Variants in C6orf89 observed in about 807,000 individuals in gnomAD.
C6orf89 encodes bombesin receptor-activated protein C6orf89.
Under a neutral mutation model 40.7 loss-of-function variants are expected in C6orf89, and 29 were observed. The observed-to-expected ratio is 0.71, with a 90% CI of 0.53 to 0.97. The LOEUF (loss-of-function observed/expected upper bound fraction) is 0.97, where lower values mean the gene tolerates loss of function less well. Ranked by LOEUF, C6orf89 falls within the 50% of genes least tolerant of loss-of-function variation. The probability of loss-of-function intolerance (pLI) is 0.00; values close to 1 mark genes in which losing one functional copy is unlikely to be tolerated. For missense variants in C6orf89, 392 were observed against 429.1 expected (o/e 0.91, Z 0.76); for synonymous variants, 165 against 152.2 (o/e 1.08, Z -0.62).
In C6orf89 at chr6:36,927,967, G is replaced by A. The variant is rs149799418; in HGVS notation, c.*4526G>A. The A allele has an allele frequency of 2.6e-5, 4 of 152,230 alleles. No homozygotes were observed. The highest frequency in any genetic ancestry group is 5.9e-5 in the Non-Finnish European group (4 of 68,054). The allele number at this position is 152,230 out of a possible 1,614,324, so 9.4% of individuals were successfully genotyped here. A position where few individuals can be genotyped will look rare whatever the true frequency, so the allele number is the denominator to read the frequency against. ...GTGGACGCAGTGTGACTAAATGCTG[G>A]CCTTGAAGAGAAACCCTCAGCCAGC... On this transcript the variant is annotated 3_prime_UTR_variant, in exon 9 of 9. Transcript: ENST00000480824.
intron 8 of C6orf89, among the ~76,000 whole-genome samples, chr6:36,920,421 G>C (rs1253236208): frequency 6.6e-6 from 1 of 152,148 alleles, no homozygotes; most frequent in African/African-American, 2.4e-5. Context: ...TGTCACCATT[G>C]ACCTCCTTGC....
At chr6:36,915,752 G>A (rs1762292820) in intron 6 of C6orf89, among the ~76,000 whole-genome samples, 2 of 151,714 alleles carry the variant, frequency 1.3e-5, no homozygotes, top group Non-Finnish European at 2.9e-5. Flanking sequence ...AAGAAAAATG[G>A]GAAACAGAGA....
At chr6:36,901,350 T>C (rs1389126500) in intron 3 of C6orf89, among the ~76,000 whole-genome samples, 1 of 128,248 alleles carries the variant, frequency 7.8e-6, no homozygotes, top group Non-Finnish European at 1.6e-5. Flanking sequence ...TTTTTTTTTT[T>C]TTGAGATGCA....
At chr6:36,912,833 T>C (rs1388143192) in intron 4 of C6orf89, among the ~76,000 whole-genome samples, 1 of 152,236 alleles carries the variant, frequency 6.6e-6, no homozygotes, top group African/African-American at 2.4e-5. Flanking sequence ...TATGCCCCAC[T>C]ACTACTGCCT....
chr6:36,898,223 C>T (rs1247747314), intron 2 of C6orf89, among the ~76,000 whole-genome samples: 1 of 152,036 alleles, frequency 6.6e-6, no homozygotes, highest in South Asian at 2.1e-4. Context: ...GCTGGGACTA[C>T]AGGTGTGTGC....
Position 36,923,894 on chromosome 6 carries a change from T to G in C6orf89, c.*453T>G. On this transcript the variant is annotated 3_prime_UTR_variant, in exon 9 of 9. Coordinates refer to ENST00000480824, the MANE Select transcript of C6orf89 (RefSeq NM_001286635.2). ...GTCTTGCCTGCCACATCACTCTACT[T>G]TTTGGAAGGCCATGGCTGATTAAAG... 3.9e-6 allele frequency: 1 copy of G among 253,336 alleles called. No individual in the cohort carries two copies. The highest frequency in any genetic ancestry group is 7.9e-6 in the Non-Finnish European group (1 of 127,028). 15.7% of individuals were successfully genotyped at this position (253,336 alleles called of 1,614,324 possible). A position where few individuals can be genotyped will look rare whatever the true frequency, so the allele number is the denominator to read the frequency against.
upstream of C6orf89, chr6:36,883,171 A>G (rs1421918879): frequency 6.6e-6 from 1 of 152,256 alleles, no homozygotes; most frequent in Admixed American, 6.5e-5. Flanking sequence ...ACTGAGGACA[A>G]TCCCTTCACA....
chr6:36,886,505 A>G (rs1211079085), intron 1 of C6orf89, among the ~76,000 whole-genome samples: 1 of 152,220 alleles, frequency 6.6e-6, no homozygotes, highest in East Asian at 1.9e-4. Flanking sequence ...TTTCAGAAAG[A>G]AATATGACTT....
At position 36,910,530 on chromosome 6, in the gene C6orf89, C is replaced by T. The variant is rs185269222; in HGVS notation, c.404-3754C>T. Among the ~76,000 whole-genome samples, 9 of 152,176 alleles carry T rather than the reference C, an allele frequency of 5.9e-5. No homozygotes were observed. The East Asian group carries it at 1.4e-3, about 23-fold the overall frequency. On this transcript the variant is annotated intron_variant, in intron 4 of 8. Transcript: ENST00000480824. ...ATTGCTTGAGCTCTGGAGTTCAAGA[C>T]CAGCCTGAGCAACATGATGAAACCC...
chr6:36,876,108 C>A (rs569871347), intron 1 of C6orf89, among the ~76,000 whole-genome samples: 1 of 152,328 alleles, frequency 6.6e-6, no homozygotes, highest in South Asian at 2.1e-4. Flanking sequence ...GGCCCTTGAG[C>A]TGGATGAAAA....
At chr6:36,918,112 G>A (rs931478654) in intron 7 of C6orf89, among the ~76,000 whole-genome samples, 6 of 152,164 alleles carry the variant, frequency 3.9e-5, no homozygotes, top group East Asian at 1.9e-4. Flanking sequence ...TTAAAGTCAC[G>A]TGTCTGTGGG....
At position 36,891,996 on chromosome 6, in the gene C6orf89, C is replaced by G. The variant is rs149276101; in HGVS notation, c.-119-2508C>G. Among the ~76,000 whole-genome samples, 103 of 152,310 alleles carry G rather than the reference C, an allele frequency of 6.8e-4. 3 individuals carry two copies. The East Asian group carries it at 0.018, about 26-fold the overall frequency. On this transcript the variant is annotated intron_variant, in intron 1 of 8. Coordinates refer to ENST00000480824, the MANE Select transcript of C6orf89 (RefSeq NM_001286635.2). ...TTAAACAGGGCAAAAGAGAAGTTTACATTTCTCTTAACTTCTTTTCTGCTT... is the reference window on the plus strand; with the variant it reads ...TTAAACAGGGCAAAAGAGAAGTTTAGATTTCTCTTAACTTCTTTTCTGCTT...
At chr6:36,879,402 A>C (rs1583132913) in intron 2 of C6orf89, among the ~76,000 whole-genome samples, 1 of 152,226 alleles carries the variant, frequency 6.6e-6, no homozygotes, top group African/African-American at 2.4e-5. Flanking sequence ...CTTGGCCCCC[A>C]GTGTGATGGT....
At chr6:36,878,094 G>A (rs1774707763) in intron 1 of C6orf89, among the ~76,000 whole-genome samples, 1 of 152,116 alleles carries the variant, frequency 6.6e-6, no homozygotes, top group African/African-American at 2.4e-5. Context: ...ACTTATCTTG[G>A]TGTATGGTAT....
chr6:36,885,804 T>G (rs1774952932), upstream of C6orf89: 1 of 393,940 alleles, frequency 2.5e-6, no homozygotes, highest in East Asian at 3.6e-5. Context: ...GAACCTACAC[T>G]CTCCAGATAT....
At chr6:36,876,724 C>CAAAAAAAAAAA (rs71540176) in intron 1 of C6orf89, among the ~76,000 whole-genome samples, 2 of 92,210 alleles carry the variant, frequency 2.2e-5, no homozygotes, top group African/African-American at 8.4e-5. Context: ...AACTCCATCT[C>CAAAAAAAAAAA]AAAAAAAAAA....
At chr6:36,881,314 G>A (rs1269337933), upstream of C6orf89, among the ~76,000 whole-genome samples, 2 of 152,304 alleles carry the variant, frequency 1.3e-5, no homozygotes, top group African/African-American at 2.4e-5. Flanking sequence ...AGGTTAGAGG[G>A]TTAAAGGATT....
intron 3 of C6orf89, among the ~76,000 whole-genome samples, chr6:36,901,321 ATTTTTTTTTTTTT>A (rs60381134): frequency 5.3e-4 from 10 of 19,024 alleles, no homozygotes; most frequent in Admixed American, 2.5e-3. Flanking sequence ...TATTATTATT[ATTTTTTTTTTTTT>A]TTTTTTTTTT....
In C6orf89 at chr6:36,923,590, G is replaced by A. The variant is rs985444391; in HGVS notation, c.*149G>A. On this transcript the variant is annotated 3_prime_UTR_variant, in exon 9 of 9. Transcript: ENST00000480824. Reference sequence around the variant, plus strand: ...TGCATGTGTGAACCAGCTGTGAGCTGCAAGGCAGTGGCCAGAGCCTCGCCC... The same window carrying A: ...TGCATGTGTGAACCAGCTGTGAGCTACAAGGCAGTGGCCAGAGCCTCGCCC... 1.4e-5 allele frequency: 10 copies of A among 703,712 alleles called. No individual in the cohort carries two copies. In the Middle Eastern group the frequency reaches 1.4e-3, roughly 99 times the overall value. The allele number at this position is 703,712 out of a possible 1,614,324, so 43.6% of individuals were successfully genotyped here. A position where few individuals can be genotyped will look rare whatever the true frequency, so the allele number is the denominator to read the frequency against.
Sources: allele counts gnomAD v4.1 joint callset (sites outside exome capture counted in the v4.1 genomes callset), GRCh38; gene constraint gnomAD v4.1.1; transcripts MANE v1.5; gene names NCBI Gene and HGNC (gene_info 2026-07-23, HGNC 2026-07-21).